APELA: variants seen among roughly 807,000 people sequenced by gnomAD.
APELA encodes apelin receptor early endogenous ligand, also known as protein Elabela.
chr4:164,884,516 T>C (rs1234144022), intron 2 of APELA, among the ~76,000 whole-genome samples: 1 of 152,098 alleles, frequency 6.6e-6, no homozygotes, highest in Non-Finnish European at 1.5e-5. Flanking sequence ...CACCTTACAA[T>C]ATATACCTTT....
chr4:164,877,936 TTTA>T (rs1246822386), intron 1 of APELA, among the ~76,000 whole-genome samples: 8 of 152,276 alleles, frequency 5.3e-5, no homozygotes, highest in African/African-American at 1.9e-4. Context: ...AAGTGCAGTT[TTTA>T]TTATTATGCT....
chr4:164,898,518 AAAG>A (rs1442766485), downstream of APELA, among the ~76,000 whole-genome samples: 2 of 149,934 alleles, frequency 1.3e-5, no homozygotes, highest in African/African-American at 5.0e-5. Flanking sequence ...AAAAAAAAAA[AAAG>A]GTTATTTGTA....
intron 2 of APELA, among the ~76,000 whole-genome samples, chr4:164,884,892 C>G (rs73871524): frequency 0.024 from 3,610 of 152,116 alleles, 134 homozygotes; most frequent in African/African-American, 0.082. Context: ...CTTTAGGAAA[C>G]CTTCTCTGAT....
At chr4:164,878,196 AAAAG>A (rs11404085) in intron 1 of APELA, among the ~76,000 whole-genome samples, 258 of 143,474 alleles carry the variant, frequency 1.8e-3, no homozygotes, top group African/African-American at 4.6e-3. Flanking sequence ...AGAAACAGAA[AAAAG>A]AAAGAAAGAA....
At chr4:164,879,414 TTCTCCTCCTCTCCTCC>T (rs527308439) in intron 2 of APELA, among the ~76,000 whole-genome samples, 1 of 152,064 alleles carries the variant, frequency 6.6e-6, no homozygotes, top group African/African-American at 2.4e-5. Context: ...GTTTCTTTTC[TTCTCCTCCTCTCCTCC>T]TCTCCTCCTC....
chr4:164,887,448 C>T (rs997757373), intron 2 of APELA, among the ~76,000 whole-genome samples: 1 of 151,992 alleles, frequency 6.6e-6, no homozygotes, highest in Admixed American at 6.6e-5. Flanking sequence ...TGGTGATAAG[C>T]CTATATCCTA....
intron 2 of APELA, among the ~76,000 whole-genome samples, chr4:164,889,200 G>T (rs1481513354): frequency 1.3e-5 from 2 of 151,902 alleles, no homozygotes; most frequent in African/African-American, 4.8e-5. Flanking sequence ...TGAGGGTGGG[G>T]GATATGTGGG....
rs752510671 is a variant in APELA at position 164,879,184 on chromosome 4, T to C, written c.*1+175T>C. 27 of 388,230 alleles carry C rather than the reference T, an allele frequency of 7.0e-5. No homozygotes were observed. The Middle Eastern group carries it at 2.7e-3, about 38-fold the overall frequency. The allele number at this position is 388,230 out of a possible 1,614,324, so 24.0% of individuals were successfully genotyped here. Reference sequence around the variant, plus strand: ...AAATGAATGACATGACTTTTGAGAATTGCTTTAATAGTTAAGGAAGAAAAT... The same window carrying C: ...AAATGAATGACATGACTTTTGAGAACTGCTTTAATAGTTAAGGAAGAAAAT... On this transcript the variant is annotated intron_variant, in intron 2 of 2. Transcript: ENST00000507152.
chr4:164,882,330 C>G (rs1327916654), intron 2 of APELA, among the ~76,000 whole-genome samples: 1 of 151,722 alleles, frequency 6.6e-6, no homozygotes, highest in African/African-American at 2.4e-5. Flanking sequence ...CTCGAACTCC[C>G]GACCTCAGGT....
chr4:164,894,332 T>A lies in APELA; in HGVS notation c.*2-1084T>A, dbSNP rs546282943. On this transcript the variant is annotated intron_variant, in intron 2 of 2. Coordinates refer to ENST00000507152, the MANE Select transcript of APELA (RefSeq NM_001297550.2). ...AAACATGTATATATTGTAAGTTTGATAAGCAAAAAAAATCCATCTCATTTT... is the reference window on the plus strand; with the variant it reads ...AAACATGTATATATTGTAAGTTTGAAAAGCAAAAAAAATCCATCTCATTTT... 3.4e-5 allele frequency among the ~76,000 whole-genome samples: 5 copies of A among 148,356 alleles called. No individual in the cohort carries two copies. The South Asian group carries it at 1.0e-3, about 31-fold the overall frequency.
chr4:164,882,236 TGG>T (rs1036460999), intron 2 of APELA, among the ~76,000 whole-genome samples: 25 of 152,254 alleles, frequency 1.6e-4, no homozygotes, highest in Admixed American at 4.6e-4. Flanking sequence ...CCCGAGTAGC[TGG>T]GATTACAGGC....
At chr4:164,898,657 A>C (rs758836689), downstream of APELA, 3 of 152,206 alleles carry the variant, frequency 2.0e-5, no homozygotes, top group African/African-American at 7.2e-5. Flanking sequence ...AATAGACCAG[A>C]TGGAGGGTGG....
chr4:164,878,164 G>A (rs1254368448), intron 1 of APELA, among the ~76,000 whole-genome samples: 8 of 99,494 alleles, frequency 8.0e-5, no homozygotes, highest in African/African-American at 1.7e-4. Flanking sequence ...AGAGAGAAAA[G>A]AAGAGAGAAA....
intron 2 of APELA, among the ~76,000 whole-genome samples, chr4:164,887,855 A>G (rs914401919): frequency 1.3e-5 from 2 of 152,170 alleles, no homozygotes; most frequent in African/African-American, 4.8e-5. Flanking sequence ...CAGGTGATCC[A>G]TCTGCCTCGG....
downstream of APELA, among the ~76,000 whole-genome samples, chr4:164,898,000 G>C (rs1255900753): frequency 1.3e-5 from 2 of 151,998 alleles, no homozygotes; most frequent in Non-Finnish European, 1.5e-5. Flanking sequence ...AAGCGATTCT[G>C]GTGCTTCAGC....
intron 2 of APELA, among the ~76,000 whole-genome samples, chr4:164,890,065 CTTAA>C (rs1730850859): frequency 6.6e-6 from 1 of 152,044 alleles, no homozygotes; most frequent in African/African-American, 2.4e-5. Flanking sequence ...TATGGATAGC[CTTAA>C]TTTATTTATC....
At chr4:164,891,648 CTTAATAAAA>C (rs1389576573) in intron 2 of APELA, among the ~76,000 whole-genome samples, 1 of 152,088 alleles carries the variant, frequency 6.6e-6, no homozygotes, top group Admixed American at 6.6e-5. Context: ...ATCCTGAAAT[CTTAATAAAA>C]TTATTGATTC....
chr4:164,894,838 A>G (rs1480057180), intron 2 of APELA, among the ~76,000 whole-genome samples: 2 of 152,142 alleles, frequency 1.3e-5, no homozygotes, highest in African/African-American at 2.4e-5. Context: ...TTTCATTTTT[A>G]TGTTCAAATT....
At chr4:164,880,358 T>C (rs1730633544) in intron 2 of APELA, among the ~76,000 whole-genome samples, 1 of 152,226 alleles carries the variant, frequency 6.6e-6, no homozygotes, top group Admixed American at 6.5e-5. Flanking sequence ...TCTCTATGTC[T>C]ATATCTGTAA....
Sources: gnomAD v4.1 joint callset for allele counts (sites outside exome capture counted in the v4.1 genomes callset) on GRCh38, gnomAD v4.1.1 for gene constraint, MANE v1.5 for transcripts, NCBI Gene and HGNC (gene_info 2026-07-23, HGNC 2026-07-21) for gene names.